The following PRKAG2 variants were observed in gnomAD, a reference collection of about 807,000 sequenced individuals.
The protein encoded by PRKAG2 is 5'-AMP-activated protein kinase subunit gamma-2.
A neutral mutation model predicts 69.6 loss-of-function variants in PRKAG2; 26 were observed. That is an observed-to-expected ratio of 0.37 (90% CI 0.27 to 0.52). The LOEUF is 0.52. Among genes scored for constraint, PRKAG2 ranks in the 20% least tolerant of loss-of-function variants. The pLI is 0.90. For synonymous variants in PRKAG2, 293 were observed against 285.0 expected, an observed-to-expected ratio of 1.03 and a Z score of -0.28; for missense variants, 557 against 740.0, an observed-to-expected ratio of 0.75 and a Z score of 2.87.
intron 6 of PRKAG2, among the ~76,000 whole-genome samples, chr7:151,593,665 C>T (rs1483024960): frequency 1.3e-5 from 2 of 152,146 alleles, no homozygotes; most frequent in Non-Finnish European, 2.9e-5. Flanking sequence ...CATGTAGTCA[C>T]AGTTCTCGAG....
intron 1 of PRKAG2, among the ~76,000 whole-genome samples, chr7:151,787,440 A>C (rs1003732882): frequency 6.6e-6 from 1 of 151,288 alleles, no homozygotes; most frequent in East Asian, 1.9e-4. Flanking sequence ...TAGGTACCTC[A>C]TATAAGTAGC....
At chr7:151,847,223 A>G (rs985530532) in intron 1 of PRKAG2, among the ~76,000 whole-genome samples, 5 of 152,210 alleles carry the variant, frequency 3.3e-5, no homozygotes, top group Non-Finnish European at 1.5e-5. Flanking sequence ...TCCACACAGC[A>G]GATACCAGCT....
At chr7:151,784,121 G>A (rs578141261) in intron 2 of PRKAG2, among the ~76,000 whole-genome samples, 7 of 152,132 alleles carry the variant, frequency 4.6e-5, no homozygotes, top group African/African-American at 1.7e-4. Context: ...TGTGGACAAC[G>A]ACTTGGTTGT....
At chr7:151,751,234 A>C (rs1422140501) in intron 3 of PRKAG2, among the ~76,000 whole-genome samples, 1 of 151,460 alleles carries the variant, frequency 6.6e-6, no homozygotes, top group African/African-American at 2.4e-5. Flanking sequence ...AGTAGCTGGG[A>C]CTACAGGTGC....
chr7:151,800,495 C>T (rs2077783711), intron 1 of PRKAG2, among the ~76,000 whole-genome samples: 1 of 152,204 alleles, frequency 6.6e-6, no homozygotes, highest in Non-Finnish European at 1.5e-5. Flanking sequence ...GCCATCCCAC[C>T]TCCCAGCACC....
intron 3 of PRKAG2, among the ~76,000 whole-genome samples, chr7:151,738,690 G>A (rs535494792): frequency 6.6e-6 from 1 of 152,334 alleles, no homozygotes; most frequent in South Asian, 2.1e-4. Flanking sequence ...TTCCCTTAAG[G>A]GATGCTTTTA....
rs148659707 is a variant in PRKAG2, at chr7:151,790,003, G to A, written c.115-3462C>T. ...TTCCAAACACAGCTATGCATCCATG[G>A]ACATCCCACCTGGAATGCTGTCTTA... On this transcript the variant is annotated intron_variant, in intron 1 of 15. Transcript: ENST00000287878. Among the ~76,000 whole-genome samples, 802 of 152,270 alleles carry A rather than the reference G, an allele frequency of 5.3e-3. 5 individuals carry two copies. The highest frequency in any genetic ancestry group is 0.018 in the African/African-American group (730 of 41,526).
At chr7:151,735,886 G>A (rs1386503141) in intron 3 of PRKAG2, 1 of 1,536,212 alleles carries the variant, frequency 6.5e-7, no homozygotes, top group Non-Finnish European at 8.7e-7. Context: ...GCTCGGGAAT[G>A]GGCAGAGTCC....
intron 3 of PRKAG2, among the ~76,000 whole-genome samples, chr7:151,727,274 G>A (rs923690911): frequency 6.6e-6 from 1 of 152,178 alleles, no homozygotes; most frequent in Non-Finnish European, 1.5e-5. Context: ...GTGTTGGTGG[G>A]CTTTGAGGCA....
At chr7:151,736,983 G>A (rs572837005) in intron 3 of PRKAG2, among the ~76,000 whole-genome samples, 55 of 152,224 alleles carry the variant, frequency 3.6e-4, no homozygotes, top group Admixed American at 1.3e-3. Flanking sequence ...AAGCCAAACC[G>A]CTGATCAAGT....
chr7:151,843,517 T>C (rs1442643445), intron 1 of PRKAG2, among the ~76,000 whole-genome samples: 2 of 152,206 alleles, frequency 1.3e-5, no homozygotes, highest in African/African-American at 4.8e-5. Context: ...AACTCACTGA[T>C]TTATGGAGTA....
intron 5 of PRKAG2, among the ~76,000 whole-genome samples, chr7:151,605,936 C>CAAAAAAAAAAAA (rs560080587): frequency 5.5e-5 from 5 of 91,046 alleles, no homozygotes; most frequent in African/African-American, 1.9e-4. Context: ...GACTCCGTCT[C>CAAAAAAAAAAAA]AAAAAAAAAA....
chr7:151,658,380 G>C lies in PRKAG2; in HGVS notation c.684+17040C>G, dbSNP rs1170632237. On this transcript the variant is annotated intron_variant, in intron 4 of 15. Coordinates refer to ENST00000287878, the MANE Select transcript of PRKAG2 (RefSeq NM_016203.4). ...CGTGCCCGTAATCCCAGCTACTCAG[G>C]AGGCTGAGGCAGAAGAATCGCTTGA... 2.0e-5 allele frequency among the ~76,000 whole-genome samples: 3 copies of C among 151,084 alleles called. No homozygotes were observed. In the East Asian group the frequency reaches 5.8e-4, roughly 29 times the overall value.
At chr7:151,763,131 G>A (rs957207825) in intron 3 of PRKAG2, among the ~76,000 whole-genome samples, 3 of 152,144 alleles carry the variant, frequency 2.0e-5, no homozygotes, top group Non-Finnish European at 2.9e-5. Flanking sequence ...CCATCCCCTC[G>A]CTACCAGCTC....
At chr7:151,604,157 G>T (rs1308446708) in intron 5 of PRKAG2, among the ~76,000 whole-genome samples, 1 of 152,174 alleles carries the variant, frequency 6.6e-6, no homozygotes, top group Admixed American at 6.5e-5. Flanking sequence ...CTGGGGAGCT[G>T]TGGGAGTGTG....
chr7:151,568,670 A>T, intron 11 of PRKAG2, 46 bp downstream of exon 11: 1 of 1,597,878 alleles, frequency 6.3e-7, no homozygotes, highest in Non-Finnish European at 8.6e-7. Context: ...ACATTATTTA[A>T]TAAGTAAATG....
intron 4 of PRKAG2, 112 bp downstream of exon 4, chr7:151,675,308 G>T: frequency 9.7e-7 from 1 of 1,026,794 alleles, no homozygotes. Flanking sequence ...AAGATGTCGG[G>T]AGCACACGAC....
intron 5 of PRKAG2, among the ~76,000 whole-genome samples, chr7:151,629,320 C>A (rs1456610429): frequency 6.6e-6 from 1 of 152,136 alleles, no homozygotes; most frequent in Non-Finnish European, 1.5e-5. Flanking sequence ...TAGGCAAGTC[C>A]CACCCCAGAC....
At chr7:151,785,187 A>G (rs1232295938) in intron 2 of PRKAG2, among the ~76,000 whole-genome samples, 1 of 152,248 alleles carries the variant, frequency 6.6e-6, no homozygotes, top group Non-Finnish European at 1.5e-5. Flanking sequence ...CTATGGGGCC[A>G]TTTGTCATGC....
Sources: gnomAD v4.1 joint callset for allele counts (sites outside exome capture counted in the v4.1 genomes callset) on GRCh38, gnomAD v4.1.1 for gene constraint, MANE v1.5 for transcripts, NCBI Gene and HGNC (gene_info 2026-07-23, HGNC 2026-07-21) for gene names.